TBCD: variants seen among roughly 807,000 people sequenced by gnomAD.
The protein encoded by TBCD is tubulin-specific chaperone D.
In TBCD, 105 loss-of-function variants were observed where a neutral mutation model predicts 169.3. The observed-to-expected ratio is 0.62, with a 90% CI of 0.53 to 0.73. The LOEUF (loss-of-function observed/expected upper bound fraction) is 0.73. TBCD is among the 30% of genes least tolerant of loss of function. The pLI, the probability that TBCD is intolerant of heterozygous loss-of-function variation, is 0.00. For missense variants in TBCD, 1,444 were observed against 1,600.1 expected (o/e 0.90, Z 1.66); for synonymous variants, 700 against 643.9 (o/e 1.09, Z -1.32).
chr17:82,937,972 GC>G (rs755671923), intron 35 of TBCD, 76 bp from the exon 36 acceptor site: 2 of 1,584,556 alleles, frequency 1.3e-6, no homozygotes, highest in South Asian at 1.1e-5. Flanking sequence ...CTCTGCATGG[GC>G]CTTTGGGTCC....
chr17:82,844,768 CT>C lies in TBCD; in HGVS notation c.1319-25454del, dbSNP rs745729927. On this transcript the variant is annotated intron_variant, in intron 13 of 38. Transcript: ENST00000355528. ...TCAACCCCCTGTGTTACTCAGAATT[CT>C]TGCGATTAGGTTTTTGACCAAATCT... 4.3e-4 allele frequency among the ~76,000 whole-genome samples: 66 copies of C among 152,318 alleles called. 1 individual carries two copies. Among genetic ancestry groups the C allele is most frequent in the South Asian group, 3.7e-3 (18 of 4,824 alleles).
intron 14 of TBCD, among the ~76,000 whole-genome samples, chr17:82,876,531 A>G (rs921777428): frequency 2.0e-5 from 3 of 152,212 alleles, no homozygotes; most frequent in African/African-American, 7.2e-5. Flanking sequence ...AACTAGCATC[A>G]TTAAACCTGT....
At chr17:82,800,823 C>A (rs752175617) in intron 8 of TBCD, 41 bp from the exon 9 acceptor site, 1 of 1,581,366 alleles carries the variant, frequency 6.3e-7, no homozygotes, top group Non-Finnish European at 8.6e-7. Flanking sequence ...TCAGAAGATG[C>A]CTGCAGCCCT....
chr17:82,887,158 TGTGTGTGTGTGCGCGCGCGC>T (rs1200964025), intron 15 of TBCD, among the ~76,000 whole-genome samples: 122 of 108,256 alleles, frequency 1.1e-3, no homozygotes, highest in African/African-American at 5.4e-3. Flanking sequence ...TGTGTGTGTG[TGTGTGTGTGTGCGCGCGCGC>T]GCACGTGCGC....
At chr17:82,792,790 G>T (rs2049839173) in intron 7 of TBCD, among the ~76,000 whole-genome samples, 1 of 152,186 alleles carries the variant, frequency 6.6e-6, no homozygotes, top group Non-Finnish European at 1.5e-5. Context: ...AAGCATTTTT[G>T]TGTGAAATTA....
intron 3 of TBCD, among the ~76,000 whole-genome samples, chr17:82,765,629 T>C (rs583164): frequency 6.6e-6 from 1 of 151,810 alleles, no homozygotes; most frequent in Non-Finnish European, 1.5e-5. Context: ...CTGTAGCTCC[T>C]CTGTTTGAGG....
rs2063478925 is a variant in TBCD, at chr17:82,943,582, G to T, written c.*1119G>T. 6.6e-6 allele frequency: 1 copy of T among 152,342 alleles called. No homozygotes were observed. The allele number at this position is 152,342 out of a possible 1,614,324, so 9.4% of individuals were successfully genotyped here. ...GGAACATGGGCAGGCCGAGAACTGG[G>T]AGGTGCCACCGCATCTGTGAGGCTT... On this transcript the variant is annotated 3_prime_UTR_variant, in exon 39 of 39. Transcript: ENST00000355528.
intron 16 of TBCD, among the ~76,000 whole-genome samples, chr17:82,892,543 A>C (rs1038943829): frequency 2.0e-5 from 3 of 152,010 alleles, no homozygotes; most frequent in African/African-American, 7.2e-5. Context: ...GGTGGGAAGG[A>C]GGGATGTGGC....
rs1267912431 is a variant in TBCD at position 82,944,731 on chromosome 17, C to G, written c.*2268C>G. 6.6e-6 allele frequency: 1 copy of G among 152,184 alleles called. No homozygotes were observed. Among genetic ancestry groups the G allele is most frequent in the Middle Eastern group, 3.2e-3 (1 of 316 alleles). The allele number at this position is 152,184 out of a possible 1,614,324, so 9.4% of individuals were successfully genotyped here. A position where few individuals can be genotyped will look rare whatever the true frequency, so the allele number is the denominator to read the frequency against. On this transcript the variant is annotated 3_prime_UTR_variant, in exon 39 of 39. Transcript: ENST00000355528. ...CCCACAAACACGTTCTAGGTGCTAA[C>G]CAGAAACCCTCCATGTGAGAGCAGA...
At chr17:82,939,545 C>T in intron 37 of TBCD, 69 bp downstream of exon 37, 1 of 1,240,566 alleles carries the variant, frequency 8.1e-7, no homozygotes, top group Non-Finnish European at 1.2e-6. Context: ...CCCACCGTGT[C>T]TACTCGTCTC....
At chr17:82,891,684 T>A (rs2146410963) in intron 16 of TBCD, among the ~76,000 whole-genome samples, 1 of 151,014 alleles carries the variant, frequency 6.6e-6, no homozygotes, top group African/African-American at 2.4e-5. Context: ...AATGAAGTTG[T>A]AAGAAATGCG....
At chr17:82,909,183 CTT>C (rs747862557) in intron 21 of TBCD, 100 bp from the exon 22 acceptor site, 147 of 1,005,152 alleles carry the variant, frequency 1.5e-4, no homozygotes, top group Non-Finnish European at 2.0e-4. Context: ...GGCATGGCAT[CTT>C]CTGCCATTTT....
intron 14 of TBCD, among the ~76,000 whole-genome samples, chr17:82,882,088 G>A (rs1331605168): frequency 6.6e-6 from 1 of 152,214 alleles, no homozygotes; most frequent in African/African-American, 2.4e-5. Flanking sequence ...CAGAGCACTT[G>A]GTCACAAGGC....
At chr17:82,850,296 T>TTGTTGGCTGTGCTCTTCTGC (rs2055646655) in intron 13 of TBCD, among the ~76,000 whole-genome samples, 1 of 138,626 alleles carries the variant, frequency 7.2e-6, no homozygotes, top group East Asian at 2.3e-4. Context: ...GGCTGTGCTG[T>TTGTTGGCTGTGCTCTTCTGC]TGTTGGCTGT....
In TBCD at chr17:82,920,519, G is replaced by A; in HGVS notation, c.2039-37G>A. On this transcript the variant is annotated intron_variant, in intron 23 of 38. Transcript: ENST00000355528. This position sits in a 1 kb window ranked among gnomAD's most constrained non-coding sequence, Gnocchi z 4.1. The stretch of plus-strand genomic sequence containing the variant: ...CGCTGTGGCAGGCGCTTTTAGAAAA[G>A]TAACATTGCGTCTATCCTTTTTTTT... 6.6e-7 allele frequency: 1 copy of A among 1,513,644 alleles called. No homozygotes were observed. The highest frequency in any genetic ancestry group is 1.2e-5 in the South Asian group (1 of 80,516). 93.8% of individuals were successfully genotyped at this position (1,513,644 alleles called of 1,614,324 possible). A position where few individuals can be genotyped will look rare whatever the true frequency, so the allele number is the denominator to read the frequency against.
intron 22 of TBCD, among the ~76,000 whole-genome samples, chr17:82,909,590 A>T (rs1181118059): frequency 2.2e-5 from 3 of 136,648 alleles, no homozygotes; most frequent in African/African-American, 8.4e-5. Context: ...CCGCTGTGGG[A>T]GGCGCATGAG....
At chr17:82,932,514 C>T (rs1216375279) in intron 33 of TBCD, 144 bp from the exon 34 acceptor site, 6 of 718,260 alleles carry the variant, frequency 8.4e-6, no homozygotes, top group Admixed American at 2.1e-5. Flanking sequence ...GTTGTTTTGT[C>T]TTTTCCTGAA....
Position 82,890,243 on chromosome 17 carries a change from G to A in TBCD, c.1563+546G>A, listed in dbSNP as rs942067726. On this transcript the variant is annotated intron_variant, in intron 16 of 38. Coordinates refer to ENST00000355528, the MANE Select transcript of TBCD (RefSeq NM_005993.5). This position sits in a 1 kb window ranked among gnomAD's most constrained non-coding sequence, Gnocchi z 5.3. ...GCCCCAGGTTACTCATGTTGTGTGT[G>A]ATGACGTCACATCTTGGGCGTGTGG... Among the ~76,000 whole-genome samples, 3 of 152,228 alleles carry A rather than the reference G, an allele frequency of 2.0e-5. No homozygotes were observed. The highest frequency in any genetic ancestry group is 7.2e-5 in the African/African-American group (3 of 41,456).
intron 7 of TBCD, among the ~76,000 whole-genome samples, chr17:82,792,357 GCACA>G (rs71168155): frequency 1.7e-4 from 25 of 145,738 alleles, no homozygotes; most frequent in South Asian, 1.3e-3. Flanking sequence ...ATACATGTGT[GCACA>G]CACACACACA....
Sources: gnomAD v4.1 joint callset for allele counts (sites outside exome capture counted in the v4.1 genomes callset) on GRCh38, gnomAD v4.1.1 for gene constraint, Gnocchi (gnomAD v3.1) non-coding constraint, MANE v1.5 for transcripts, NCBI Gene and HGNC (gene_info 2026-07-23, HGNC 2026-07-21) for gene names.